CCDC171: variants seen among roughly 807,000 people sequenced by gnomAD.
The protein encoded by CCDC171 is coiled-coil domain-containing protein 171.
Under a neutral mutation model 168.2 loss-of-function variants are expected in CCDC171, and 177 were observed. That is an observed-to-expected ratio of 1.05 (90% CI 0.93 to 1.19). CCDC171 has a LOEUF of 1.19. CCDC171 is among the 50% of genes most tolerant of loss of function. The pLI is 0.00. For synonymous variants in CCDC171, 687 were observed against 540.8 expected, an observed-to-expected ratio of 1.27 and a Z score of -3.75; for missense variants, 1,991 against 1,539.0, an observed-to-expected ratio of 1.29 and a Z score of -4.91.
At chr9:16,079,570 G>C in the CCDC171 span, among the ~76,000 whole-genome samples, 3 of 152,214 alleles carry the variant, frequency 2.0e-5, no homozygotes, top group Non-Finnish European at 1.5e-5. Context: ...GAACACCAAA[G>C]ATTGTCCGCA....
intron 3 of CCDC171, among the ~76,000 whole-genome samples, chr9:15,992,352 A>T (rs994360967): frequency 1.2e-4 from 19 of 152,250 alleles, no homozygotes; most frequent in African/African-American, 4.6e-4. Flanking sequence ...CAATAGATGC[A>T]GAAAAGGCCT....
In CCDC171 at chr9:15,591,555, A is replaced by C; in HGVS notation, c.542A>C (p.Gln181Pro). ...KEKSRLEKTL[Q>P]EALEKHQREK... ...AAAAGCAGACTAGAGAAAACTCTACAGGTAAAATAGTTTTTATAAAGGAAT... is the reference window on the plus strand; with the variant it reads ...AAAAGCAGACTAGAGAAAACTCTACCGGTAAAATAGTTTTTATAAAGGAAT... Residue 181 changes from glutamine (Q) to proline (P), a missense_variant and splice_region_variant, in exon 5 of 26, where the codon CAG becomes CCG. Gln to Pro is a moderately conservative substitution (Grantham distance 76). Transcript: ENST00000380701. 1 of 1,494,380 alleles carries C rather than the reference A, an allele frequency of 6.7e-7. No individual in the cohort carries two copies. The highest frequency in any genetic ancestry group is 9.1e-7 in the Non-Finnish European group (1 of 1,100,850). The allele number at this position is 1,494,380 out of a possible 1,614,324, so 92.6% of individuals were successfully genotyped here.
Position 15,591,454 on chromosome 9 carries a change from A to C in CCDC171, c.441A>C (p.Arg147Ser). 1 of 1,609,096 alleles carries C rather than the reference A, an allele frequency of 6.2e-7. No individual in the cohort carries two copies. The highest frequency in any genetic ancestry group is 1.3e-5 in the African/African-American group (1 of 74,866). Residue 147 changes from arginine to serine, a missense_variant, in exon 5 of 26, where the codon AGA (arginine) becomes AGC (serine). Arg to Ser is a moderately radical substitution (Grantham distance 110). Transcript: ENST00000380701. ...SQQKWKEECR[R>S]FEHDLEERDN... is the part of the protein sequence containing the mutation. ...AAAAATGGAAAGAAGAATGCAGAAG[A>C]TTTGAACATGATTTGGAGGAAAGAG...
intron 6 of CCDC171, among the ~76,000 whole-genome samples, chr9:15,618,367 C>T (rs938273752): frequency 2.0e-5 from 3 of 152,102 alleles, no homozygotes; most frequent in African/African-American, 7.2e-5. Context: ...TCGCTGCTTC[C>T]CCCACCAAGC....
intron 9 of CCDC171, among the ~76,000 whole-genome samples, chr9:15,666,911 A>G (rs2048774375): frequency 6.6e-6 from 1 of 152,242 alleles, no homozygotes; most frequent in Admixed American, 6.5e-5. Flanking sequence ...ATAGTGGCCA[A>G]CATGCATTGT....
intron 24 of CCDC171, among the ~76,000 whole-genome samples, chr9:15,912,572 T>G (rs1405701943): frequency 6.6e-6 from 1 of 151,806 alleles, no homozygotes; most frequent in Non-Finnish European, 1.5e-5. Flanking sequence ...TGGCCACAAT[T>G]TCCAATAAAT....
At position 15,888,490 on chromosome 9, in the gene CCDC171, C is replaced by T. The variant is rs1434668230; in HGVS notation, c.3600+13827C>T. Among the ~76,000 whole-genome samples the T allele has an allele frequency of 2.0e-5, 3 of 152,068 alleles. 1 individual carries two copies. Among genetic ancestry groups the T allele is most frequent in the South Asian group, 4.1e-4 (2 of 4,832 alleles). On this transcript the variant is annotated intron_variant, in intron 24 of 25. Transcript: ENST00000380701. ...ACTGTTTCCATATTTTGAAACATTT[C>T]GTCACCTTTATTTACACCATTTAAT... is the stretch of plus-strand genomic sequence containing the variant.
intron 24 of CCDC171, among the ~76,000 whole-genome samples, chr9:15,919,682 C>T (rs1825042172): frequency 6.6e-6 from 1 of 151,454 alleles, no homozygotes; most frequent in Non-Finnish European, 1.5e-5. Context: ...TAATAGGTTA[C>T]CAGAACTTGC....
At chr9:15,700,666 T>A (rs2051657068) in intron 11 of CCDC171, among the ~76,000 whole-genome samples, 1 of 152,022 alleles carries the variant, frequency 6.6e-6, no homozygotes, top group Non-Finnish European at 1.5e-5. Flanking sequence ...ATTTTTTTTT[T>A]AACGAGTTAG....
At position 15,695,266 on chromosome 9, in the gene CCDC171, CAT is replaced by C. The variant is rs758070056; in HGVS notation, c.1248_1249del (p.Cys417Ter). The stretch of plus-strand genomic sequence containing the variant: ...AAGCACCAGGCCTTCCTAGTAGAGA[CAT>C]GTGAAAATAACGTGAAAGAATTGGA... On this transcript the variant is annotated frameshift_variant, in exon 11 of 26. Coordinates refer to ENST00000380701, the MANE Select transcript of CCDC171 (RefSeq NM_173550.4). LOFTEE classifies it high-confidence loss of function. 4 of 1,614,012 alleles carry C rather than the reference CAT, an allele frequency of 2.5e-6. No individual in the cohort carries two copies. Among genetic ancestry groups the C allele is most frequent in the African/African-American group, 1.3e-5 (1 of 75,038 alleles).
At chr9:15,780,288 C>T (rs2057595703) in intron 20 of CCDC171, among the ~76,000 whole-genome samples, 2 of 151,794 alleles carry the variant, frequency 1.3e-5, no homozygotes, top group South Asian at 4.1e-4. Flanking sequence ...GTTTTTTGCT[C>T]AGAGAAGGAA....
rs772554502 is a variant in CCDC171 at position 15,723,648 on chromosome 9, T to C, written c.1426-33T>C. On this transcript the variant is annotated intron_variant, in intron 12 of 25. Coordinates refer to ENST00000380701, the MANE Select transcript of CCDC171 (RefSeq NM_173550.4). ...ATGTAAAAAAGTTACTTATATTTTC[T>C]TTCATCAGCTAAACAGCATGAATGA... is the stretch of plus-strand genomic sequence containing the variant. 2.6e-6 allele frequency: 4 copies of C among 1,537,636 alleles called. No homozygotes were observed. In the Admixed American group the frequency reaches 5.8e-5, roughly 22 times the overall value.
chr9:15,762,684 ATG>A (rs748404398), intron 18 of CCDC171, among the ~76,000 whole-genome samples: 31 of 152,184 alleles, frequency 2.0e-4, no homozygotes, highest in Non-Finnish European at 3.8e-4. Context: ...ATGCAATAAA[ATG>A]TGCTTATTTG....
intron 24 of CCDC171, among the ~76,000 whole-genome samples, chr9:15,904,040 C>G (rs563464070): frequency 7.9e-5 from 12 of 152,290 alleles, no homozygotes; most frequent in African/African-American, 2.9e-4. Flanking sequence ...AAGACCAAAT[C>G]TACATCTGAT....
At chr9:15,970,436 T>C (rs1359156698) in intron 25 of CCDC171, among the ~76,000 whole-genome samples, 1 of 152,086 alleles carries the variant, frequency 6.6e-6, no homozygotes, top group Admixed American at 6.5e-5. Flanking sequence ...AGTATGATTT[T>C]TAGTGGAGAT....
chr9:15,834,848 G>A (rs896518719), intron 21 of CCDC171, among the ~76,000 whole-genome samples: 3 of 152,200 alleles, frequency 2.0e-5, no homozygotes, highest in African/African-American at 7.2e-5. Flanking sequence ...GAAACAGGAT[G>A]CTACTTTATG....
intron 10 of CCDC171, among the ~76,000 whole-genome samples, chr9:15,685,931 G>A (rs542143729): frequency 6.6e-6 from 1 of 152,026 alleles, no homozygotes; most frequent in Non-Finnish European, 1.5e-5. Context: ...ATGAACATTA[G>A]CTTCTTTTTA....
At chr9:15,897,310 G>T (rs1821037820) in intron 24 of CCDC171, among the ~76,000 whole-genome samples, 1 of 151,874 alleles carries the variant, frequency 6.6e-6, no homozygotes, top group Admixed American at 6.6e-5. Flanking sequence ...CTATTGTGTG[G>T]ATAATAGATG....
chr9:15,979,683 C>G (rs1432148960), intron 3 of CCDC171, among the ~76,000 whole-genome samples: 1 of 151,034 alleles, frequency 6.6e-6, no homozygotes, highest in Non-Finnish European at 1.5e-5. Context: ...TTTCATGTTT[C>G]TGGATTCAGT....
Sources: gnomAD v4.1 joint callset for allele counts (sites outside exome capture counted in the v4.1 genomes callset) on GRCh38, gnomAD v4.1.1 for gene constraint, MANE v1.5 for transcripts, NCBI Gene and HGNC (gene_info 2026-07-23, HGNC 2026-07-21) for gene names.